The following CCDC102B variants were observed in gnomAD, a reference collection of about 807,000 sequenced individuals.
CCDC102B encodes coiled-coil domain containing 102B.
A neutral mutation model predicts 57.4 loss-of-function variants in CCDC102B; 75 were observed. That is an observed-to-expected ratio of 1.31 (90% CI 1.08 to 1.58). The LOEUF (loss-of-function observed/expected upper bound fraction) is 1.58, where lower values mean the gene tolerates loss of function less well. Among genes scored for constraint, CCDC102B ranks in the 40% most tolerant of loss-of-function variants. The pLI, the probability that CCDC102B is intolerant of heterozygous loss-of-function variation, is 0.00. For synonymous variants in CCDC102B, 206 were observed against 201.9 expected (o/e 1.02, Z -0.17); for missense variants, 636 against 582.6 (o/e 1.09, Z -0.94).
chr18:68,876,406 C>T (rs567602425), intron 5 of CCDC102B, among the ~76,000 whole-genome samples: 46 of 152,164 alleles, frequency 3.0e-4, no homozygotes, highest in Admixed American at 5.2e-4. Context: ...GGGGATTGCC[C>T]TAGCCAGAAA....
chr18:69,013,499 T>A (rs2051576994), intron 7 of CCDC102B, among the ~76,000 whole-genome samples: 1 of 152,146 alleles, frequency 6.6e-6, no homozygotes, highest in Non-Finnish European at 1.5e-5. Flanking sequence ...GTAACAAAAT[T>A]ACACTTGCAC....
intron 7 of CCDC102B, among the ~76,000 whole-genome samples, chr18:69,017,813 C>CG (rs2051711160): frequency 6.6e-6 from 1 of 152,152 alleles, no homozygotes; most frequent in Non-Finnish European, 1.5e-5. Context: ...CCCCCTGCCC[C>CG]GGGTAACCAC....
intron 2 of CCDC102B, among the ~76,000 whole-genome samples, chr18:68,752,629 T>C (rs1320157955): frequency 1.3e-5 from 2 of 152,206 alleles, no homozygotes; most frequent in Non-Finnish European, 2.9e-5. Context: ...AAACCTTATA[T>C]AATTAATTTC....
At chr18:68,913,384 C>T (rs4891349) in intron 6 of CCDC102B, among the ~76,000 whole-genome samples, 138,419 of 150,336 alleles carry the variant, frequency 0.92, 63,786 homozygotes, top group East Asian at 0.98. Flanking sequence ...TGGTGGCTCA[C>T]GCCTATACTC....
At chr18:68,736,493 C>T (rs1042458975) in intron 2 of CCDC102B, among the ~76,000 whole-genome samples, 4 of 152,054 alleles carry the variant, frequency 2.6e-5, no homozygotes, top group East Asian at 1.9e-4. Context: ...TGCCTTGCAC[C>T]GCGCACATCT....
chr18:68,747,193 A>G (rs1483603687), intron 2 of CCDC102B, among the ~76,000 whole-genome samples: 1 of 152,032 alleles, frequency 6.6e-6, no homozygotes, highest in Non-Finnish European at 1.5e-5. Context: ...ATCTAATTGT[A>G]AGTCTGTATC....
intron 7 of CCDC102B, among the ~76,000 whole-genome samples, chr18:69,023,435 C>G (rs937831527): frequency 6.6e-6 from 1 of 151,708 alleles, no homozygotes; most frequent in Non-Finnish European, 1.5e-5. Context: ...TGTTTAGTAA[C>G]CTTATATTAT....
At chr18:68,975,856 A>C (rs2050421821) in intron 6 of CCDC102B, among the ~76,000 whole-genome samples, 1 of 151,862 alleles carries the variant, frequency 6.6e-6, no homozygotes, top group African/African-American at 2.4e-5. Flanking sequence ...CATTTAAAAA[A>C]AAAAAAAAGC....
intron 5 of CCDC102B, among the ~76,000 whole-genome samples, chr18:68,880,479 C>T (rs902045852): frequency 5.9e-5 from 9 of 152,332 alleles, no homozygotes; most frequent in South Asian, 2.1e-4. Flanking sequence ...CCTCAAGTGC[C>T]GCCAAAGTGG....
intron 2 of CCDC102B, among the ~76,000 whole-genome samples, chr18:68,837,724 T>C (rs896835589): frequency 3.3e-5 from 5 of 152,076 alleles, no homozygotes; most frequent in Admixed American, 6.5e-5. Flanking sequence ...ATGACCCTAA[T>C]TTAACTAAAT....
chr18:69,057,948 C>T (rs954342797), downstream of CCDC102B, among the ~76,000 whole-genome samples: 1 of 151,990 alleles, frequency 6.6e-6, no homozygotes, highest in African/African-American at 2.4e-5. Flanking sequence ...TCACCCAATT[C>T]ATGAGCATAG....
intron 5 of CCDC102B, among the ~76,000 whole-genome samples, chr18:68,880,768 A>G (rs2039666777): frequency 6.6e-6 from 1 of 152,118 alleles, no homozygotes; most frequent in Admixed American, 6.5e-5. Flanking sequence ...GCTTCCATAA[A>G]TTTATGATTA....
chr18:68,959,962 G>A (rs1482771090), intron 6 of CCDC102B, among the ~76,000 whole-genome samples: 1 of 151,944 alleles, frequency 6.6e-6, no homozygotes, highest in African/African-American at 2.4e-5. Context: ...GGTACCCCAG[G>A]CACCTACTTA....
chr18:69,003,821 A>G (rs1170591788), intron 6 of CCDC102B, among the ~76,000 whole-genome samples: 1 of 152,228 alleles, frequency 6.6e-6, no homozygotes, highest in African/African-American at 2.4e-5. Flanking sequence ...TATTTTCTCA[A>G]TACTTGAATA....
At chr18:69,028,202 G>C (rs564675484) in intron 7 of CCDC102B, among the ~76,000 whole-genome samples, 18 of 152,218 alleles carry the variant, frequency 1.2e-4, no homozygotes, top group African/African-American at 3.9e-4. Context: ...AAGACACTGA[G>C]GAAGAAACTG....
intron 2 of CCDC102B, among the ~76,000 whole-genome samples, chr18:68,775,398 T>A (rs1194176594): frequency 6.6e-6 from 1 of 152,160 alleles, no homozygotes. Context: ...AGATAAGATC[T>A]ATACATTGTG....
At chr18:68,728,121 G>A (rs1421484077) in intron 2 of CCDC102B, among the ~76,000 whole-genome samples, 1 of 152,088 alleles carries the variant, frequency 6.6e-6, no homozygotes, top group Non-Finnish European at 1.5e-5. Context: ...GGACATTCTG[G>A]AGGTCAAGCC....
At chr18:68,870,306 T>C (rs992491968) in intron 4 of CCDC102B, among the ~76,000 whole-genome samples, 1 of 152,156 alleles carries the variant, frequency 6.6e-6, no homozygotes, top group Non-Finnish European at 1.5e-5. Flanking sequence ...CATGTATACC[T>C]ATGTAACAAA....
At chr18:68,866,848 G>T in intron 4 of CCDC102B, 1 of 690,970 alleles carries the variant, frequency 1.4e-6, no homozygotes, top group Non-Finnish European at 2.8e-6. Context: ...TCTGGGGCCA[G>T]CACTGATCCA....
Sources: allele counts gnomAD v4.1 joint callset (sites outside exome capture counted in the v4.1 genomes callset), GRCh38; gene constraint gnomAD v4.1.1; transcripts MANE v1.5; gene names NCBI Gene and HGNC (gene_info 2026-07-23, HGNC 2026-07-21).